The following AGBL3 variants were observed in gnomAD, a reference collection of about 807,000 sequenced individuals.
AGBL3 encodes cytosolic carboxypeptidase 3.
A neutral mutation model predicts 94.5 loss-of-function variants in AGBL3; 68 were observed. The observed-to-expected ratio is 0.72, with a 90% CI of 0.59 to 0.88. The LOEUF (loss-of-function observed/expected upper bound fraction) is 0.88. Ranked by LOEUF, AGBL3 falls within the 40% of genes least tolerant of loss-of-function variation. AGBL3 has a pLI of 0.00. For missense variants in AGBL3, 934 were observed against 1,103.8 expected, an observed-to-expected ratio of 0.85 and a Z score of 2.18; for synonymous variants, 354 against 370.7, an observed-to-expected ratio of 0.95 and a Z score of 0.52.
chr7:135,069,439 A>C (rs1386926849), intron 12 of AGBL3, among the ~76,000 whole-genome samples: 1 of 152,210 alleles, frequency 6.6e-6, no homozygotes. Flanking sequence ...TCAGCACCAC[A>C]CCACACCTAT....
chr7:135,085,014 TTA>T (rs1438528588), intron 15 of AGBL3, among the ~76,000 whole-genome samples: 1 of 152,130 alleles, frequency 6.6e-6, no homozygotes, highest in Non-Finnish European at 1.5e-5. Context: ...TTGTTATCTT[TTA>T]TCTTTTTGAT....
intron 11 of AGBL3, among the ~76,000 whole-genome samples, chr7:135,053,781 C>T (rs1016721253): frequency 3.9e-5 from 6 of 152,080 alleles, no homozygotes; most frequent in African/African-American, 7.2e-5. Flanking sequence ...TTTAACAATT[C>T]GTCTTAAGAA....
intron 16 of AGBL3, chr7:135,128,795 C>T: frequency 1.6e-6 from 2 of 1,218,574 alleles, no homozygotes; most frequent in Non-Finnish European, 2.4e-6. Context: ...GGATCTGATA[C>T]AGACCAAGAG....
intron 15 of AGBL3, among the ~76,000 whole-genome samples, chr7:135,082,669 T>C (rs1466888976): frequency 1.3e-5 from 2 of 152,154 alleles, no homozygotes; most frequent in Non-Finnish European, 2.9e-5. Context: ...CGCTAAGTTG[T>C]ATCTCCTCCA....
At chr7:135,029,225 G>A (rs756586994) in intron 5 of AGBL3, among the ~76,000 whole-genome samples, 1 of 152,184 alleles carries the variant, frequency 6.6e-6, no homozygotes, top group Non-Finnish European at 1.5e-5. Context: ...AAGCTCTGAA[G>A]CAGGGCATTG....
At chr7:135,075,254 C>T (rs531641377) in intron 12 of AGBL3, among the ~76,000 whole-genome samples, 1 of 152,208 alleles carries the variant, frequency 6.6e-6, no homozygotes, top group Non-Finnish European at 1.5e-5. Flanking sequence ...CTGGCAACCA[C>T]AAATCTGTTC....
chr7:135,082,833 G>A (rs1045125912), intron 15 of AGBL3, among the ~76,000 whole-genome samples: 3 of 152,038 alleles, frequency 2.0e-5, no homozygotes, highest in East Asian at 1.9e-4. Context: ...ATACATATAT[G>A]TATGTGTATA....
chr7:134,989,372 T>C, intron 3 of AGBL3, 62 bp downstream of exon 3: 4 of 1,166,176 alleles, frequency 3.4e-6, no homozygotes. Context: ...AAAAAGAAGA[T>C]GAGGAAACTA....
chr7:135,118,147 C>G (rs913539206), intron 16 of AGBL3, among the ~76,000 whole-genome samples: 1 of 152,134 alleles, frequency 6.6e-6, no homozygotes, highest in Admixed American at 6.6e-5. Flanking sequence ...AATTCTTCCC[C>G]TACCCTACCT....
intron 11 of AGBL3, among the ~76,000 whole-genome samples, chr7:135,048,871 C>T (rs546521812): frequency 6.6e-6 from 1 of 151,452 alleles, no homozygotes; most frequent in East Asian, 1.9e-4. Flanking sequence ...TTCATTCGTT[C>T]TCTTGCCTAA....
chr7:135,041,150 C>G (rs1324440194), intron 8 of AGBL3, among the ~76,000 whole-genome samples: 1 of 152,048 alleles, frequency 6.6e-6, no homozygotes, highest in Non-Finnish European at 1.5e-5. Context: ...AGACAACGTG[C>G]TGTATTATGG....
chr7:135,073,347 G>A (rs932628765), intron 12 of AGBL3, among the ~76,000 whole-genome samples: 3 of 152,042 alleles, frequency 2.0e-5, no homozygotes, highest in Non-Finnish European at 2.9e-5. Context: ...GTGGGTGCCC[G>A]TAATCCCAGC....
chr7:135,001,537 A>G (rs1811716013), intron 4 of AGBL3, among the ~76,000 whole-genome samples: 1 of 152,196 alleles, frequency 6.6e-6, no homozygotes, highest in African/African-American at 2.4e-5. Flanking sequence ...AGCTCTTCAA[A>G]GTCGGGGTAT....
chr7:135,076,029 C>A (rs1177650730), intron 12 of AGBL3, among the ~76,000 whole-genome samples: 1 of 152,122 alleles, frequency 6.6e-6, no homozygotes, highest in Non-Finnish European at 1.5e-5. Context: ...TTTAGGCTGT[C>A]CTTCTCCTGG....
Position 134,986,566 on chromosome 7 carries a change from T to C in AGBL3, c.-195T>C, listed in dbSNP as rs1411243589. ...GGGCTGCGGATCTCCAGCAGTGGCG[T>C]TACTTCTAGCGGCTGGATACCGGGT... On this transcript the variant is annotated 5_prime_UTR_variant, in exon 1 of 17. Transcript: ENST00000436302. 2 of 151,610 alleles carry C rather than the reference T, an allele frequency of 1.3e-5. No homozygotes were observed. The highest frequency in any genetic ancestry group is 3.9e-4 in the East Asian group (2 of 5,122). 9.4% of individuals were successfully genotyped at this position (151,610 alleles called of 1,614,324 possible).
chr7:135,059,701 T>C (rs1022449910), intron 12 of AGBL3, among the ~76,000 whole-genome samples: 7 of 152,154 alleles, frequency 4.6e-5, no homozygotes, highest in African/African-American at 1.4e-4. Flanking sequence ...ATACATGATG[T>C]GTTACATGGG....
Position 135,135,120 on chromosome 7 carries a change from A to T in AGBL3, c.2622A>T (p.Lys874Asn). ...TTGGAATGGATGCAAATGTTCTAAA[A>T]TATAAGAGTCTTCAAGCTGAAGAAA... ...SSFGMDANVL[K>N]YKSLQAEETN... Residue 874 changes from lysine to asparagine, a missense_variant, in exon 17 of 17, where the codon AAA becomes AAT. Lys to Asn is a moderately conservative substitution (Grantham distance 94, BLOSUM62 0). Transcript: ENST00000436302. 6.4e-7 allele frequency: 1 copy of T among 1,551,164 alleles called. No homozygotes were observed. Among genetic ancestry groups the T allele is most frequent in the Non-Finnish European group, 8.7e-7 (1 of 1,146,636 alleles).
chr7:135,073,650 C>A (rs1429222732), intron 12 of AGBL3, among the ~76,000 whole-genome samples: 1 of 151,968 alleles, frequency 6.6e-6, no homozygotes, highest in South Asian at 2.1e-4. Context: ...CCCGAGTGAG[C>A]AATTCCTGTC....
Position 135,037,684 on chromosome 7 carries a change from T to A in AGBL3, c.1500+104T>A, listed in dbSNP as rs527360874. 33 of 948,628 alleles carry A rather than the reference T, an allele frequency of 3.5e-5. No individual in the cohort carries two copies. The South Asian group carries it at 3.5e-4, about 10-fold the overall frequency. The allele number at this position is 948,628 out of a possible 1,614,324, so 58.8% of individuals were successfully genotyped here. On this transcript the variant is annotated intron_variant, in intron 8 of 16. Transcript: ENST00000436302. The stretch of plus-strand genomic sequence containing the variant: ...ATACTATTCCAAACTGCTTTTTTTT[T>A]AGTTAGTTTGACCAGTTTATACAAT...
Sources: gnomAD v4.1 joint callset for allele counts (sites outside exome capture counted in the v4.1 genomes callset) on GRCh38, gnomAD v4.1.1 for gene constraint, MANE v1.5 for transcripts, NCBI Gene and HGNC (gene_info 2026-07-23, HGNC 2026-07-21) for gene names.